The following IMMP2L variants were observed in gnomAD, a reference collection of about 807,000 sequenced individuals.
IMMP2L encodes the protein mitochondrial inner membrane protease subunit 2.
Under a neutral mutation model 19.3 loss-of-function variants are expected in IMMP2L, and 18 were observed. That is an observed-to-expected ratio of 0.93 (90% confidence interval 0.64 to 1.38). IMMP2L has a LOEUF of 1.38. Among genes scored for constraint, IMMP2L ranks in the 40% most tolerant of loss-of-function variants. IMMP2L has a pLI of 0.00. For missense variants in IMMP2L, 233 were observed against 218.2 expected, an observed-to-expected ratio of 1.07 and a Z score of -0.43; for synonymous variants, 76 against 73.0, an observed-to-expected ratio of 1.04 and a Z score of -0.21.
At chr7:110,807,373 A>T (rs994762282) in intron 5 of IMMP2L, among the ~76,000 whole-genome samples, 2 of 151,964 alleles carry the variant, frequency 1.3e-5, no homozygotes, top group Non-Finnish European at 2.9e-5. Context: ...GAATTTTCTG[A>T]TGTGTGTTAA....
At chr7:111,055,245 AC>A (rs1793400927) in intron 3 of IMMP2L, among the ~76,000 whole-genome samples, 1 of 152,142 alleles carries the variant, frequency 6.6e-6, no homozygotes, top group East Asian at 1.9e-4. Context: ...CGCAACGTTC[AC>A]CAGGCTGGTC....
At chr7:111,253,293 A>T (rs1191603793) in intron 3 of IMMP2L, among the ~76,000 whole-genome samples, 1 of 152,144 alleles carries the variant, frequency 6.6e-6, no homozygotes, top group African/African-American at 2.4e-5. Flanking sequence ...CTGGGTGAAT[A>T]CTCACAGGTG....
chr7:111,018,011 G>A (rs1825879866), intron 3 of IMMP2L, among the ~76,000 whole-genome samples: 1 of 152,176 alleles, frequency 6.6e-6, no homozygotes, highest in Admixed American at 6.5e-5. Flanking sequence ...GATATATTTA[G>A]TGCATTTGGG....
chr7:110,936,573 G>T (rs1816133274), intron 4 of IMMP2L, among the ~76,000 whole-genome samples: 1 of 152,200 alleles, frequency 6.6e-6, no homozygotes, highest in African/African-American at 2.4e-5. Flanking sequence ...AGGATGTGGA[G>T]AAATAGGAAC....
At chr7:111,264,811 A>G (rs983096864) in intron 3 of IMMP2L, among the ~76,000 whole-genome samples, 2 of 151,776 alleles carry the variant, frequency 1.3e-5, no homozygotes, top group African/African-American at 4.8e-5. Context: ...AGGGTGGATA[A>G]AGGGCTAAAT....
intron 3 of IMMP2L, among the ~76,000 whole-genome samples, chr7:111,217,117 C>G (rs1458085280): frequency 4.7e-5 from 7 of 148,350 alleles, no homozygotes; most frequent in African/African-American, 1.8e-4. Context: ...CTCTCTCTCT[C>G]TCTCTCTCTC....
chr7:111,463,536 T>C (rs1020107918), intron 3 of IMMP2L, among the ~76,000 whole-genome samples: 2 of 152,112 alleles, frequency 1.3e-5, no homozygotes, highest in African/African-American at 4.8e-5. Context: ...TGCCACTCCA[T>C]ACCCCCACCA....
intron 3 of IMMP2L, among the ~76,000 whole-genome samples, chr7:111,309,222 T>A (rs1161782391): frequency 6.6e-6 from 1 of 152,104 alleles, no homozygotes; most frequent in Non-Finnish European, 1.5e-5. Context: ...TTTATTTGAG[T>A]GAGCTGACAA....
chr7:111,444,816 C>A (rs1297796201), intron 3 of IMMP2L, among the ~76,000 whole-genome samples: 1 of 152,038 alleles, frequency 6.6e-6, no homozygotes, highest in Non-Finnish European at 1.5e-5. Context: ...ATGCAGTGGT[C>A]TTCAAATTGG....
rs148191013 is a variant in IMMP2L at position 111,124,506 on chromosome 7, T to C, written c.240-160941A>G. On this transcript the variant is annotated intron_variant, in intron 3 of 5. Coordinates refer to ENST00000405709, the MANE Select transcript of IMMP2L (RefSeq NM_032549.4). ...GAATACCATCTGATGTCAAGGTATA[T>C]AATCTTACTCATCTGAATCCATCAA... 2.1e-4 allele frequency: 339 copies of C among 1,613,828 alleles called. 1 individual carries two copies. Among genetic ancestry groups the C allele is most frequent in the Non-Finnish European group, 2.6e-4 (309 of 1,179,942 alleles).
intron 5 of IMMP2L, among the ~76,000 whole-genome samples, chr7:110,697,808 A>G (rs2130607313): frequency 6.6e-6 from 1 of 152,312 alleles, no homozygotes; most frequent in East Asian, 1.9e-4. Flanking sequence ...AAATAAAAAT[A>G]AAAAAATAAT....
chr7:111,440,335 T>C (rs570769599), intron 3 of IMMP2L, among the ~76,000 whole-genome samples: 26 of 151,866 alleles, frequency 1.7e-4, no homozygotes, highest in Non-Finnish European at 3.5e-4. Context: ...ACTTCTTAAG[T>C]AATAAGACTA....
At chr7:111,319,411 A>G (rs1369898316) in intron 3 of IMMP2L, among the ~76,000 whole-genome samples, 1 of 152,078 alleles carries the variant, frequency 6.6e-6, no homozygotes, top group Non-Finnish European at 1.5e-5. Flanking sequence ...GTTATTTCCA[A>G]AACCGTAAAA....
At chr7:111,480,200 C>T (rs1371837203) in intron 3 of IMMP2L, among the ~76,000 whole-genome samples, 1 of 151,666 alleles carries the variant, frequency 6.6e-6, no homozygotes, top group East Asian at 1.9e-4. Flanking sequence ...TCTCCTGCCT[C>T]AGCCTCCCGA....
chr7:111,132,987 T>C lies in IMMP2L; in HGVS notation c.240-169422A>G, dbSNP rs559282388. 9.2e-5 allele frequency among the ~76,000 whole-genome samples: 14 copies of C among 152,142 alleles called. No homozygotes were observed. The East Asian group carries it at 1.2e-3, about 13-fold the overall frequency. On this transcript the variant is annotated intron_variant, in intron 3 of 5. Coordinates refer to ENST00000405709, the MANE Select transcript of IMMP2L (RefSeq NM_032549.4). Reference sequence around the variant, plus strand: ...ACCTATGTTCTCATCCCAAATGATATGGCCAAGCTTAGTTGTTGTTACTGT... The same window carrying C: ...ACCTATGTTCTCATCCCAAATGATACGGCCAAGCTTAGTTGTTGTTACTGT...
intron 3 of IMMP2L, among the ~76,000 whole-genome samples, chr7:111,209,023 A>G (rs1811018827): frequency 6.6e-6 from 1 of 152,238 alleles, no homozygotes; most frequent in Non-Finnish European, 1.5e-5. Flanking sequence ...TGATAGCATT[A>G]TAAGAATCTG....
At chr7:111,240,042 T>C (rs2129628961) in intron 3 of IMMP2L, among the ~76,000 whole-genome samples, 1 of 152,052 alleles carries the variant, frequency 6.6e-6, no homozygotes, top group South Asian at 2.1e-4. Flanking sequence ...TAATGGATGT[T>C]TTGACATTGA....
At chr7:110,835,410 C>T (rs1019700246) in intron 5 of IMMP2L, among the ~76,000 whole-genome samples, 1 of 152,060 alleles carries the variant, frequency 6.6e-6, no homozygotes, top group African/African-American at 2.4e-5. Flanking sequence ...GTCCTCAGAT[C>T]TCTCAGATGA....
In IMMP2L at chr7:110,928,351, GCACACACACACACA is replaced by G. The variant is rs58639346; in HGVS notation, c.305+35135_305+35148del. On this transcript the variant is annotated intron_variant, in intron 4 of 5. Transcript: ENST00000405709. ...TAGGTACATATGTGTATATGTACCT[GCACACACACACACA>G]CACACACACACACACACACACACAC... 5.6e-3 allele frequency among the ~76,000 whole-genome samples: 651 copies of G among 117,110 alleles called. 2 individuals carry two copies. The highest frequency in any genetic ancestry group is 0.024 in the Middle Eastern group (5 of 208). 76.8% of individuals were successfully genotyped at this position (117,110 alleles called of 152,430 possible).
Sources: gnomAD v4.1 joint callset for allele counts (sites outside exome capture counted in the v4.1 genomes callset) on GRCh38, gnomAD v4.1.1 for gene constraint, MANE v1.5 for transcripts, NCBI Gene and HGNC (gene_info 2026-07-23, HGNC 2026-07-21) for gene names.